The following FAT1 variants were observed in gnomAD, a reference collection of about 807,000 sequenced individuals.
The protein encoded by FAT1 is FAT atypical cadherin 1.
In FAT1, 171 loss-of-function variants were observed where a neutral mutation model predicts 329.8. The observed-to-expected ratio is 0.52, with a 90% CI of 0.46 to 0.59. FAT1 has a LOEUF of 0.59. Among genes scored for constraint, FAT1 ranks in the 20% least tolerant of loss-of-function variants. The pLI is 0.00. For missense variants in FAT1, 5,672 were observed against 5,774.4 expected, an observed-to-expected ratio of 0.98 and a Z score of 0.57; for synonymous variants, 2,233 against 2,228.6, an observed-to-expected ratio of 1.00 and a Z score of -0.06.
chr4:186,645,383 A>C (rs1741308948), intron 3 of FAT1, among the ~76,000 whole-genome samples: 1 of 64,670 alleles, frequency 1.5e-5, no homozygotes, highest in African/African-American at 7.5e-5. Context: ...ATATATATAT[A>C]TATATATATA....
chr4:186,679,379 T>A (rs180922027), intron 2 of FAT1, among the ~76,000 whole-genome samples: 3 of 126,986 alleles, frequency 2.4e-5, no homozygotes, highest in Non-Finnish European at 3.1e-5. Flanking sequence ...ATCGCACCAC[T>A]GCACTCCAGC....
rs2126524883 is a variant in FAT1 at position 186,621,398 on chromosome 4, A to G, written c.5188T>C (p.Leu1730=). 1.2e-6 allele frequency: 2 copies of G among 1,614,026 alleles called. No homozygotes were observed. The highest frequency in any genetic ancestry group is 1.7e-6 in the Non-Finnish European group (2 of 1,179,894). The part of the protein sequence containing the change: ...ITQKALDFET[L]PIYTLIIQGT... ...TGTATTATCAATGTGTAAATGGGCA[A>G]AGTTTCAAAGTCCAGGGCTTTCTGA... Residue 1730 remains leucine, a synonymous_variant, in exon 10 of 27, where the codon TTG becomes CTG. Transcript: ENST00000441802.
At chr4:186,642,204 C>T (rs1741131370) in intron 3 of FAT1, among the ~76,000 whole-genome samples, 1 of 152,156 alleles carries the variant, frequency 6.6e-6, no homozygotes, top group Non-Finnish European at 1.5e-5. Context: ...CACTGCCTCA[C>T]CCTTCAGTTT....
At chr4:186,677,513 G>A (rs970499613) in intron 2 of FAT1, among the ~76,000 whole-genome samples, 7 of 151,004 alleles carry the variant, frequency 4.6e-5, no homozygotes, top group African/African-American at 1.2e-4. Context: ...AATGAAGAAC[G>A]GTGTATCATA....
Position 186,600,439 on chromosome 4 carries a change from A to C in FAT1, c.11641-79T>G. ...GCACCTGATCACAAATCTACAGGAG[A>C]GGGCTTAGGGAGTGAGGGTAGAAGT... On this transcript the variant is annotated intron_variant, in intron 21 of 26. Transcript: ENST00000441802. The C allele has an allele frequency of 4.0e-6, 5 of 1,241,962 alleles. No individual in the cohort carries two copies. In the South Asian group the frequency reaches 7.4e-5, roughly 18 times the overall value. The allele number at this position is 1,241,962 out of a possible 1,614,324, so 76.9% of individuals were successfully genotyped here. A position where few individuals can be genotyped will look rare whatever the true frequency, so the allele number is the denominator to read the frequency against.
chr4:186,722,950 T>C (rs926262889), intron 1 of FAT1, among the ~76,000 whole-genome samples: 11 of 152,052 alleles, frequency 7.2e-5, no homozygotes, highest in African/African-American at 2.7e-4. Flanking sequence ...TCCTAACTCA[T>C]ACAATTGCGT....
rs1166673244 is a variant in FAT1, at chr4:186,588,579, G to T, written c.*13C>A. The T allele has an allele frequency of 1.9e-6, 3 of 1,601,114 alleles. No individual in the cohort carries two copies. The highest frequency in any genetic ancestry group is 2.2e-5 in the East Asian group (1 of 44,770). On this transcript the variant is annotated 3_prime_UTR_variant, in exon 27 of 27. Transcript: ENST00000441802. Reference sequence around the variant, plus strand: ...GGTTCACTAAAGTCAGGCACTTTGGGGGGAGTTGAGAGTCAGACTTCCGTG... The same window carrying T: ...GGTTCACTAAAGTCAGGCACTTTGGTGGGAGTTGAGAGTCAGACTTCCGTG...
intron 2 of FAT1, among the ~76,000 whole-genome samples, chr4:186,688,956 G>A (rs557744139): frequency 2.0e-4 from 31 of 152,198 alleles, no homozygotes; most frequent in African/African-American, 7.0e-4. Context: ...CCATAAACCT[G>A]AAAATGACCT....
intron 4 of FAT1, among the ~76,000 whole-genome samples, chr4:186,638,456 A>G (rs1399184625): frequency 6.6e-6 from 1 of 152,190 alleles, no homozygotes; most frequent in Non-Finnish European, 1.5e-5. Flanking sequence ...TGACAGAATG[A>G]AAATTCAAAA....
intron 14 of FAT1, 27 bp downstream of exon 14, chr4:186,611,359 T>C: frequency 6.4e-7 from 1 of 1,565,462 alleles, no homozygotes; most frequent in Non-Finnish European, 8.7e-7. Context: ...GAATGAAGGG[T>C]TTCCTCTCAG....
chr4:186,621,651 T>C lies in FAT1; in HGVS notation c.4935A>G (p.Pro1645=), dbSNP rs896366284. 1 of 1,614,050 alleles carries C rather than the reference T, an allele frequency of 6.2e-7. No homozygotes were observed. Among genetic ancestry groups the C allele is most frequent in the Non-Finnish European group, 8.5e-7 (1 of 1,179,908 alleles). ...GCACAGAAGTTATTTCACTCATTGG[T>C]GGACTGCCCTTATCTGTAGCTTTTA... ...LMVKATDKGS[P]PMSEITSVRI... The change falls in exon 10 of 27, where the codon CCA becomes CCG. Residue 1645 remains proline, a synonymous_variant. Coordinates refer to ENST00000441802, the MANE Select transcript of FAT1 (RefSeq NM_005245.4).
chr4:186,646,903 C>T (rs191449422), intron 3 of FAT1, among the ~76,000 whole-genome samples: 1 of 152,272 alleles, frequency 6.6e-6, no homozygotes, highest in Admixed American at 6.5e-5. Context: ...TCAAGAGGCT[C>T]TGTGCTTAGC....
chr4:186,691,791 G>T (rs1437524386), intron 2 of FAT1, among the ~76,000 whole-genome samples: 2 of 151,996 alleles, frequency 1.3e-5, no homozygotes, highest in Admixed American at 1.3e-4. Flanking sequence ...CTGAGAAAGT[G>T]AGATCCCATC....
At chr4:186,604,045 T>C (rs1053086638) in intron 18 of FAT1, 68 bp from the exon 19 acceptor site, 76 of 1,246,472 alleles carry the variant, frequency 6.1e-5, no homozygotes, top group Non-Finnish European at 8.2e-5. Flanking sequence ...AATAAAAACA[T>C]TTGTATTACT....
Position 186,601,386 on chromosome 4 carries a change from T to C in FAT1, c.11523A>G (p.Lys3841=), listed in dbSNP as rs1163740377. 1 of 1,613,404 alleles carries C rather than the reference T, an allele frequency of 6.2e-7. No individual in the cohort carries two copies. The highest frequency in any genetic ancestry group is 2.2e-5 in the East Asian group (1 of 44,878). ...SMTLTGNSYV[K]YRLTENENKL... ...TGTTTTCATTTTCCGTCAGACGGTA[T>C]TTCACGTAGCTGTTTCCAGTCAGTG... Residue 3841 remains lysine (K), a synonymous_variant, in exon 21 of 27, where the codon AAA becomes AAG. Transcript: ENST00000441802.
At chr4:186,694,088 C>T (rs1401354597) in intron 2 of FAT1, among the ~76,000 whole-genome samples, 3 of 152,142 alleles carry the variant, frequency 2.0e-5, no homozygotes, top group Non-Finnish European at 4.4e-5. Context: ...AACCCATCCA[C>T]CATCTTCCTA....
chr4:186,716,140 C>T (rs1037456193), intron 1 of FAT1, among the ~76,000 whole-genome samples: 1 of 152,056 alleles, frequency 6.6e-6, no homozygotes, highest in Non-Finnish European at 1.5e-5. Flanking sequence ...TTCTGTTAAA[C>T]GCCGCATATT....
At chr4:186,721,143 C>G (rs540958956) in intron 1 of FAT1, among the ~76,000 whole-genome samples, 1 of 152,188 alleles carries the variant, frequency 6.6e-6, no homozygotes, top group African/African-American at 2.4e-5. Context: ...GTATAGAAGC[C>G]TTTATTATTT....
chr4:186,633,763 T>C lies in FAT1; in HGVS notation c.4244A>G (p.Lys1415Arg), dbSNP rs750458666. The C allele has an allele frequency of 9.3e-6, 15 of 1,613,996 alleles. No homozygotes were observed. In the South Asian group the frequency reaches 1.4e-4, roughly 15 times the overall value. Reference protein sequence around the residue: ...DKGTGTIIVAKPLDAEQKSNY... With the variant: ...DKGTGTIIVARPLDAEQKSNY... ...TGACTTCTGTTCTGCATCAAGAGGTTTGGCAACAATGATGGTTCCAGTTCC... is the reference window on the plus strand; with the variant it reads ...TGACTTCTGTTCTGCATCAAGAGGTCTGGCAACAATGATGGTTCCAGTTCC... Residue 1415 changes from lysine to arginine, a missense_variant, in exon 7 of 27, where the codon AAA (lysine) becomes AGA (arginine). By Grantham distance (26) the Lys-to-Arg change is conservative. Coordinates refer to ENST00000441802, the MANE Select transcript of FAT1 (RefSeq NM_005245.4).
Sources: allele counts gnomAD v4.1 joint callset (sites outside exome capture counted in the v4.1 genomes callset), GRCh38; gene constraint gnomAD v4.1.1; transcripts MANE v1.5; gene names NCBI Gene and HGNC (gene_info 2026-07-23, HGNC 2026-07-21).